The following ANK3 variants were observed in gnomAD, a reference collection of about 807,000 sequenced individuals.
The protein encoded by ANK3 is ankyrin-3.
In ANK3, 57 loss-of-function variants were observed where a neutral mutation model predicts 370.9. That is an observed-to-expected ratio of 0.15 (90% confidence interval 0.12 to 0.19). The LOEUF (loss-of-function observed/expected upper bound fraction) is 0.19. Among genes scored for constraint, ANK3 ranks in the 10% least tolerant of loss-of-function variants. The probability of loss-of-function intolerance (pLI) is 1.00; values close to 1 mark genes in which losing one functional copy is unlikely to be tolerated. For missense variants in ANK3, 4,439 were observed against 5,302.1 expected (o/e 0.84, Z 5.06); for synonymous variants, 1,929 against 1,946.3 (o/e 0.99, Z 0.23).
At chr10:60,667,255 C>A (rs1466690079) in intron 1 of ANK3, among the ~76,000 whole-genome samples, 1 of 148,004 alleles carries the variant, frequency 6.8e-6, no homozygotes, top group Non-Finnish European at 1.5e-5. Flanking sequence ...TAAGAGCCAC[C>A]CCATTCCAGA....
intron 1 of ANK3, among the ~76,000 whole-genome samples, chr10:60,308,580 T>A (rs1472381333): frequency 3.3e-5 from 5 of 152,090 alleles, no homozygotes; most frequent in African/African-American, 1.2e-4. Context: ...CTGGCCGGAA[T>A]CTGGTGTTGG....
chr10:60,097,141 T>C (rs1178150999), intron 28 of ANK3, among the ~76,000 whole-genome samples: 2 of 152,160 alleles, frequency 1.3e-5, no homozygotes, highest in African/African-American at 2.4e-5. Context: ...AGCATTTTGG[T>C]AAAATAGGTG....
chr10:60,587,671 C>A lies in ANK3; in HGVS notation c.96+27515G>T, dbSNP rs561647106. Among the ~76,000 whole-genome samples, 11 of 152,104 alleles carry A rather than the reference C, an allele frequency of 7.2e-5. No homozygotes were observed. In the South Asian group the frequency reaches 2.1e-3, roughly 29 times the overall value. Reference sequence around the variant, plus strand: ...TAAAATACATTTAGCATGTTTAAATCCAGAAATTATAATAATACTTTAAAA... The same window carrying A: ...TAAAATACATTTAGCATGTTTAAATACAGAAATTATAATAATACTTTAAAA... On this transcript the variant is annotated intron_variant, in intron 2 of 43. Transcript: ENST00000373827.
chr10:60,053,724 T>C (rs1394306131), intron 42 of ANK3: 1 of 1,303,914 alleles, frequency 7.7e-7, no homozygotes, highest in East Asian at 5.5e-5. Flanking sequence ...CCCGGACTTT[T>C]GACCTGATTT....
chr10:60,297,238 C>T (rs550827971), intron 1 of ANK3, among the ~76,000 whole-genome samples: 53 of 152,186 alleles, frequency 3.5e-4, no homozygotes, highest in African/African-American at 1.2e-3. Context: ...CATCACTCAC[C>T]GTCACTTGAC....
intron 23 of ANK3, among the ~76,000 whole-genome samples, chr10:60,149,732 G>A (rs544326453): frequency 6.6e-6 from 1 of 152,322 alleles, no homozygotes; most frequent in African/African-American, 2.4e-5. Context: ...TATTTGAGAC[G>A]AAGTCTCGCT....
chr10:60,548,336 C>A (rs1393344504), intron 2 of ANK3, among the ~76,000 whole-genome samples: 2 of 150,900 alleles, frequency 1.3e-5, no homozygotes, highest in Non-Finnish European at 2.9e-5. Context: ...CTCAGCCTTC[C>A]CAGTGGCTGG....
chr10:60,488,551 A>G (rs2075408975), intron 2 of ANK3, among the ~76,000 whole-genome samples: 1 of 152,098 alleles, frequency 6.6e-6, no homozygotes, highest in Admixed American at 6.5e-5. Context: ...CATCCCCACT[A>G]GTAATCACCC....
chr10:60,097,323 T>A (rs1474689085), intron 28 of ANK3, among the ~76,000 whole-genome samples: 3 of 152,178 alleles, frequency 2.0e-5, no homozygotes, highest in African/African-American at 4.8e-5. Flanking sequence ...CGAGTGGTGG[T>A]TGATAAACGG....
intron 2 of ANK3, among the ~76,000 whole-genome samples, chr10:60,447,617 C>A (rs915994599): frequency 2.0e-5 from 3 of 152,072 alleles, no homozygotes; most frequent in Non-Finnish European, 4.4e-5. Flanking sequence ...GTTCCCTGGG[C>A]AAAATGCACC....
intron 23 of ANK3, among the ~76,000 whole-genome samples, chr10:60,152,599 T>G (rs543180623): frequency 2.0e-5 from 3 of 152,304 alleles, no homozygotes; most frequent in African/African-American, 7.2e-5. Context: ...ATATAAAGCC[T>G]TGCGTGGGTT....
intron 28 of ANK3, among the ~76,000 whole-genome samples, chr10:60,099,295 T>C (rs537094695): frequency 1.3e-5 from 2 of 152,346 alleles, no homozygotes; most frequent in Non-Finnish European, 2.9e-5. Context: ...TCTCCGTTCA[T>C]GCAACAGACT....
chr10:60,522,407 C>T (rs1024431466), intron 2 of ANK3, among the ~76,000 whole-genome samples: 2 of 150,652 alleles, frequency 1.3e-5, no homozygotes, highest in African/African-American at 4.9e-5. Context: ...TGGAACATGG[C>T]CCTTTTCTGT....
At chr10:60,198,632 G>C in intron 13 of ANK3, 95 bp from the exon 14 acceptor site, 1 of 1,139,998 alleles carries the variant, frequency 8.8e-7, no homozygotes, top group East Asian at 2.4e-5. Context: ...TGATGTAAGA[G>C]GTACAATCAA....
At chr10:60,596,602 T>C (rs2077991231) in intron 2 of ANK3, among the ~76,000 whole-genome samples, 1 of 152,202 alleles carries the variant, frequency 6.6e-6, no homozygotes, top group African/African-American at 2.4e-5. Context: ...CTGGATACTT[T>C]AATGGTCTTA....
In ANK3 at chr10:60,070,132, C is replaced by G. The variant is rs985040592; in HGVS notation, c.10749G>C (p.Thr3583=). The G allele has an allele frequency of 6.2e-7, 1 of 1,614,120 alleles. No individual in the cohort carries two copies. Among genetic ancestry groups the G allele is most frequent in the Admixed American group, 1.7e-5 (1 of 60,008 alleles). The change falls in exon 37 of 44, where the codon ACG becomes ACC. Residue 3583 remains threonine (T), a synonymous_variant. Coordinates refer to ENST00000280772, the MANE Select transcript of ANK3 (RefSeq NM_020987.5). This position sits in a 1 kb window ranked among gnomAD's most constrained non-coding sequence, Gnocchi z 5.7. The part of the protein sequence containing the change: ...DRSPATTPDT[T]PARTPTDEST... ...TTTCATCAGTTGGCGTTCTGGCTGGCGTTGTATCAGGGGTTGTTGCTGGAG... is the reference window on the plus strand; with the variant it reads ...TTTCATCAGTTGGCGTTCTGGCTGGGGTTGTATCAGGGGTTGTTGCTGGAG...
intron 2 of ANK3, among the ~76,000 whole-genome samples, chr10:60,423,889 C>G (rs1392574219): frequency 3.3e-5 from 5 of 152,088 alleles, no homozygotes; most frequent in African/African-American, 7.2e-5. Flanking sequence ...ACTCTCCTAC[C>G]ATTCTTTCAT....
Position 60,086,748 on chromosome 10 carries a change from G to A in ANK3, c.3677C>T (p.Ser1226Leu). The part of the protein sequence containing the change: ...ITMTIPVPPP[S>L]GEGVSNGYKG... ...GTATCCATTGGATACACCTTCTCCT[G>A]AGGGCGGGGGCACCGGAATGGTCAT... Residue 1226 changes from serine (S) to leucine (L), a missense_variant, in exon 30 of 44, where the codon TCA becomes TTA. Coordinates refer to ENST00000280772, the MANE Select transcript of ANK3 (RefSeq NM_020987.5). The A allele has an allele frequency of 6.2e-7, 1 of 1,614,040 alleles. No homozygotes were observed.
At chr10:60,156,741 G>A (rs1590965308) in intron 23 of ANK3, among the ~76,000 whole-genome samples, 1 of 152,184 alleles carries the variant, frequency 6.6e-6, no homozygotes, top group East Asian at 1.9e-4. Context: ...CTCTAGTGCT[G>A]AAATGGCTGC....
Sources: gnomAD v4.1 joint callset for allele counts (sites outside exome capture counted in the v4.1 genomes callset) on GRCh38, gnomAD v4.1.1 for gene constraint, Gnocchi (gnomAD v3.1) non-coding constraint, MANE v1.5 for transcripts, NCBI Gene and HGNC (gene_info 2026-07-23, HGNC 2026-07-21) for gene names.